ADD3: variants seen among roughly 807,000 people sequenced by gnomAD.
ADD3 encodes gamma-adducin.
ADD3 carries 25 observed loss-of-function variants against 80.2 expected under a neutral mutation model. The ratio of observed to expected loss-of-function variants is 0.31; its 90% CI spans 0.23 to 0.44. ADD3 has a LOEUF of 0.44. Among genes scored for constraint, ADD3 ranks in the 20% least tolerant of loss-of-function variants. The probability of loss-of-function intolerance (pLI) is 1.00; values close to 1 mark genes in which losing one functional copy is unlikely to be tolerated. For missense variants in ADD3, 829 were observed against 847.5 expected (o/e 0.98, Z 0.27); for synonymous variants, 284 against 289.6 (o/e 0.98, Z 0.20).
chr10:110,095,236 A>G (rs1848011856), intron 1 of ADD3, among the ~76,000 whole-genome samples: 1 of 152,248 alleles, frequency 6.6e-6, no homozygotes, highest in South Asian at 2.1e-4. Context: ...GAGATAATTC[A>G]CATACCATGC....
intron 1 of ADD3, among the ~76,000 whole-genome samples, chr10:110,039,163 C>T (rs1855998407): frequency 6.6e-6 from 1 of 152,174 alleles, no homozygotes; most frequent in African/African-American, 2.4e-5. Flanking sequence ...CACATTGCTT[C>T]TGGTATTGAG....
chr10:110,118,446 A>G (rs1159091222), intron 5 of ADD3, 141 bp from the exon 6 acceptor site: 2 of 631,398 alleles, frequency 3.2e-6, no homozygotes, highest in Admixed American at 2.7e-5. Flanking sequence ...GATTTGAGTA[A>G]TTGCAGCAGA....
At chr10:110,062,403 A>G (rs1589935575) in intron 1 of ADD3, among the ~76,000 whole-genome samples, 1 of 144,672 alleles carries the variant, frequency 6.9e-6, no homozygotes, top group African/African-American at 2.8e-5. Context: ...AGCAAGAGTG[A>G]AACTCCATCT....
chr10:110,077,460 C>G (rs1174808731), intron 1 of ADD3, among the ~76,000 whole-genome samples: 1 of 152,050 alleles, frequency 6.6e-6, no homozygotes, highest in East Asian at 1.9e-4. Context: ...ATTTATTGGA[C>G]CCATTAATAG....
chr10:110,092,539 G>T (rs180925661), intron 1 of ADD3, among the ~76,000 whole-genome samples: 210 of 152,222 alleles, frequency 1.4e-3, no homozygotes, highest in African/African-American at 4.9e-3. Flanking sequence ...GGACACAAAG[G>T]TGGGAACAAT....
At position 110,032,778 on chromosome 10, in the gene ADD3, C is replaced by G. The variant is rs1855198059; in HGVS notation, c.-30+24479C>G. 1.3e-5 allele frequency among the ~76,000 whole-genome samples: 2 copies of G among 152,146 alleles called. 1 individual carries two copies. The highest frequency in any genetic ancestry group is 2.9e-5 in the Non-Finnish European group (2 of 68,024). On this transcript the variant is annotated intron_variant, in intron 1 of 14. Transcript: ENST00000356080. ...TAAGATCATGCTAAGTTTGAAAACACTTTGTGCGTGCTCATATGCTGTATA... is the reference window on the plus strand; with the variant it reads ...TAAGATCATGCTAAGTTTGAAAACAGTTTGTGCGTGCTCATATGCTGTATA...
At chr10:110,039,266 C>G (rs770257058) in intron 1 of ADD3, among the ~76,000 whole-genome samples, 4 of 152,002 alleles carry the variant, frequency 2.6e-5, no homozygotes, top group Non-Finnish European at 4.4e-5. Context: ...TTAAGACCTT[C>G]TGACTTAAAA....
intron 1 of ADD3, among the ~76,000 whole-genome samples, chr10:110,068,407 A>G (rs7915852): frequency 0.022 from 3,403 of 152,310 alleles, 133 homozygotes; most frequent in African/African-American, 0.073. Flanking sequence ...AAAATACAGA[A>G]TAACTACTTA....
At chr10:110,062,773 G>A (rs974361857) in intron 1 of ADD3, among the ~76,000 whole-genome samples, 7 of 152,116 alleles carry the variant, frequency 4.6e-5, no homozygotes, top group South Asian at 4.1e-4. Flanking sequence ...CAGCAGATAC[G>A]TTTCCATATC....
At chr10:110,015,798 G>A (rs1036703429) in intron 1 of ADD3, among the ~76,000 whole-genome samples, 1 of 152,032 alleles carries the variant, frequency 6.6e-6, no homozygotes, top group Admixed American at 6.6e-5. Context: ...ATTTCTCTAA[G>A]CACTTTGCCA....
At chr10:110,035,707 G>C (rs1855556091) in intron 1 of ADD3, among the ~76,000 whole-genome samples, 1 of 152,142 alleles carries the variant, frequency 6.6e-6, no homozygotes, top group Admixed American at 6.6e-5. Flanking sequence ...CCCATACTTT[G>C]ATTCTTTAAG....
intron 1 of ADD3, among the ~76,000 whole-genome samples, chr10:110,008,695 A>G (rs919393997): frequency 6.6e-6 from 1 of 152,210 alleles, no homozygotes; most frequent in Non-Finnish European, 1.5e-5. Flanking sequence ...GGTGCGCTCC[A>G]GGGGAGTGAG....
intron 1 of ADD3, among the ~76,000 whole-genome samples, chr10:109,999,922 T>G (rs1290498758): frequency 6.7e-6 from 1 of 150,006 alleles, no homozygotes; most frequent in Non-Finnish European, 1.5e-5. Context: ...TAAGGTTGTT[T>G]TTTTTTTTTT....
At chr10:110,028,418 G>T (rs971685567) in intron 1 of ADD3, among the ~76,000 whole-genome samples, 1 of 152,086 alleles carries the variant, frequency 6.6e-6, no homozygotes, top group Non-Finnish European at 1.5e-5. Flanking sequence ...ACAAAAATTA[G>T]CTGGGCGTGG....
intron 1 of ADD3, among the ~76,000 whole-genome samples, chr10:110,096,439 T>TTTAGTTATCTGTTGCTG (rs1848163590): frequency 6.6e-6 from 1 of 152,242 alleles, no homozygotes; most frequent in Admixed American, 6.5e-5. Context: ...CAGTTTTCAC[T>TTTAGTTATCTGTTGCTG]TTAGTTATCT....
At chr10:110,006,413 C>G (rs1331769209), upstream of ADD3, among the ~76,000 whole-genome samples, 1 of 152,192 alleles carries the variant, frequency 6.6e-6, no homozygotes, top group Non-Finnish European at 1.5e-5. Context: ...TTTTTAAATG[C>G]AAGAAAATAT....
chr10:110,129,152 T>TTC (rs796205254), intron 12 of ADD3, among the ~76,000 whole-genome samples: 1 of 144,000 alleles, frequency 6.9e-6, no homozygotes, highest in South Asian at 2.1e-4. Context: ...CTTTCTTTCT[T>TTC]TTTTTTTTTT....
chr10:110,025,999 TTTC>T (rs1430998768), intron 1 of ADD3, among the ~76,000 whole-genome samples: 1 of 151,712 alleles, frequency 6.6e-6, no homozygotes, highest in Non-Finnish European at 1.5e-5. Context: ...TGTCAGGATC[TTTC>T]TTGTTTTCTT....
intron 1 of ADD3, among the ~76,000 whole-genome samples, chr10:110,054,565 C>T (rs1224905194): frequency 2.7e-5 from 4 of 149,658 alleles, no homozygotes; most frequent in Admixed American, 2.0e-4. Context: ...CCTCAGCCTG[C>T]GGAGTAGCTG....
Sources: allele counts gnomAD v4.1 joint callset (sites outside exome capture counted in the v4.1 genomes callset), GRCh38; gene constraint gnomAD v4.1.1; transcripts MANE v1.5; gene names NCBI Gene and HGNC (gene_info 2026-07-23, HGNC 2026-07-21).